KIAA0825: variants seen among roughly 807,000 people sequenced by gnomAD.
KIAA0825 encodes the protein uncharacterized protein KIAA0825.
Under a neutral mutation model 147.6 loss-of-function variants are expected in KIAA0825, and 119 were observed. The observed-to-expected ratio is 0.81, with a 90% CI of 0.69 to 0.94. The LOEUF (loss-of-function observed/expected upper bound fraction) is 0.94. Among genes scored for constraint, KIAA0825 ranks in the 40% least tolerant of loss-of-function variants. KIAA0825 has a pLI of 0.00. For missense variants in KIAA0825, 1,381 were observed against 1,472.7 expected, an observed-to-expected ratio of 0.94 and a Z score of 1.02; for synonymous variants, 470 against 518.1, an observed-to-expected ratio of 0.91 and a Z score of 1.26.
At chr5:94,236,121 C>G (rs1244336514) in intron 20 of KIAA0825, among the ~76,000 whole-genome samples, 1 of 152,306 alleles carries the variant, frequency 6.6e-6, no homozygotes, top group East Asian at 1.9e-4. Flanking sequence ...TTTTGTAAGA[C>G]TACAGCTGCC....
chr5:94,271,861 A>C (rs1777005614), intron 20 of KIAA0825, among the ~76,000 whole-genome samples: 1 of 152,096 alleles, frequency 6.6e-6, no homozygotes, highest in Non-Finnish European at 1.5e-5. Context: ...AGATATCTGC[A>C]CTCCCATGTT....
intron 20 of KIAA0825, among the ~76,000 whole-genome samples, chr5:94,373,598 C>G (rs941488156): frequency 6.6e-6 from 1 of 152,006 alleles, no homozygotes; most frequent in Non-Finnish European, 1.5e-5. Flanking sequence ...CTAAAACCAT[C>G]AGATCTCATA....
intron 20 of KIAA0825, among the ~76,000 whole-genome samples, chr5:94,324,802 G>C (rs1409540185): frequency 6.6e-6 from 1 of 151,352 alleles, no homozygotes; most frequent in African/African-American, 2.4e-5. Context: ...TTATTCATAA[G>C]AATCTTCTAG....
intron 2 of KIAA0825, among the ~76,000 whole-genome samples, chr5:94,563,952 T>G (rs1408601189): frequency 6.6e-6 from 1 of 152,188 alleles, no homozygotes; most frequent in African/African-American, 2.4e-5. Context: ...CCCAAACTGC[T>G]GGGATTACAG....
At chr5:94,599,041 A>G (rs999925557) in intron 1 of KIAA0825, among the ~76,000 whole-genome samples, 2 of 152,128 alleles carry the variant, frequency 1.3e-5, no homozygotes, top group Admixed American at 1.3e-4. Flanking sequence ...TTTTCTTTTT[A>G]GAAAGCTGAA....
chr5:94,541,596 T>C (rs1362510353), intron 2 of KIAA0825, among the ~76,000 whole-genome samples: 2 of 152,222 alleles, frequency 1.3e-5, no homozygotes, highest in East Asian at 3.9e-4. Flanking sequence ...TTATTCAGTG[T>C]TTCCATACAT....
chr5:94,335,058 A>T (rs1019229441), intron 20 of KIAA0825, among the ~76,000 whole-genome samples: 13 of 152,154 alleles, frequency 8.5e-5, no homozygotes, highest in Admixed American at 5.9e-4. Context: ...AATGAATTCT[A>T]TACTTTCAAC....
At chr5:94,207,792 C>T (rs777240492) in intron 20 of KIAA0825, among the ~76,000 whole-genome samples, 9 of 152,108 alleles carry the variant, frequency 5.9e-5, no homozygotes, top group Non-Finnish European at 8.8e-5. Context: ...CAGGGGGGCT[C>T]GCAGTCAAAC....
intron 6 of KIAA0825, 83 bp downstream of exon 6, chr5:94,484,686 G>T: frequency 2.2e-6 from 2 of 904,880 alleles, no homozygotes; most frequent in Non-Finnish European, 3.2e-6. Flanking sequence ...TTTTTTTCAA[G>T]TAATCGTTTT....
intron 1 of KIAA0825, among the ~76,000 whole-genome samples, chr5:94,608,462 TATTATATATATAATATATATATATATATA>T (rs1425645781): frequency 3.4e-4 from 4 of 11,776 alleles, no homozygotes; most frequent in East Asian, 8.5e-4. Flanking sequence ...TATATATATA[TATTATATATATAATATATATATATATATA>T]ATTATATATA....
chr5:94,549,558 C>T (rs56730205), intron 2 of KIAA0825, among the ~76,000 whole-genome samples: 11,482 of 151,990 alleles, frequency 0.076, 478 homozygotes, highest in South Asian at 0.11. Flanking sequence ...CTAAAAAATA[C>T]AAAAATTAGC....
At chr5:94,382,363 G>A (rs928298968) in intron 20 of KIAA0825, among the ~76,000 whole-genome samples, 1 of 152,100 alleles carries the variant, frequency 6.6e-6, no homozygotes, top group African/African-American at 2.4e-5. Flanking sequence ...TCCAACAAGA[G>A]AGACAAGAGG....
chr5:94,556,973 C>T (rs1776650439), intron 2 of KIAA0825, among the ~76,000 whole-genome samples: 3 of 152,198 alleles, frequency 2.0e-5, no homozygotes, highest in Admixed American at 2.0e-4. Context: ...GAAATTGTCT[C>T]CTCTCTTGAC....
At position 94,580,648 on chromosome 5, in the gene KIAA0825, G is replaced by A. The variant is rs1404499119; in HGVS notation, c.-2+1785C>T. 1.7e-4 allele frequency among the ~76,000 whole-genome samples: 6 copies of A among 35,666 alleles called. 1 individual carries two copies. Among genetic ancestry groups the A allele is most frequent in the African/African-American group, 2.5e-4 (1 of 4,004 alleles). The allele number at this position is 35,666 out of a possible 152,430, so 23.4% of individuals were successfully genotyped here. On this transcript the variant is annotated intron_variant, in intron 2 of 20. Coordinates refer to ENST00000682413, the MANE Select transcript of KIAA0825 (RefSeq NM_001145678.3). Reference sequence around the variant, plus strand: ...TCCCAGCACTTTGGGAGGCCGAGGCGGGCGGATCACGAGGTCAGGAGATCG... The same window carrying A: ...TCCCAGCACTTTGGGAGGCCGAGGCAGGCGGATCACGAGGTCAGGAGATCG...
At chr5:94,201,504 C>A (rs989388662) in intron 20 of KIAA0825, among the ~76,000 whole-genome samples, 1 of 152,004 alleles carries the variant, frequency 6.6e-6, no homozygotes, top group African/African-American at 2.4e-5. Context: ...ATCCTTTGTG[C>A]TCAAGTGGTC....
intron 5 of KIAA0825, chr5:94,519,575 A>G (rs1357403877): frequency 1.7e-6 from 1 of 598,118 alleles, no homozygotes; most frequent in African/African-American, 2.0e-5. Context: ...TCCTTATAGA[A>G]AAAATAGTAG....
intron 15 of KIAA0825, among the ~76,000 whole-genome samples, chr5:94,406,540 A>G (rs1452738134): frequency 6.6e-6 from 1 of 152,222 alleles, no homozygotes; most frequent in Non-Finnish European, 1.5e-5. Flanking sequence ...GATGGTGTGA[A>G]GACCTGGGAA....
intron 20 of KIAA0825, among the ~76,000 whole-genome samples, chr5:94,178,229 T>C (rs566922408): frequency 1.1e-3 from 172 of 152,114 alleles, no homozygotes; most frequent in Non-Finnish European, 2.1e-3. Flanking sequence ...CTAAGAAACA[T>C]TCTCTGCAAT....
At chr5:94,487,945 CCT>C (rs896930606) in intron 5 of KIAA0825, among the ~76,000 whole-genome samples, 9 of 152,082 alleles carry the variant, frequency 5.9e-5, no homozygotes, top group Admixed American at 4.6e-4. Context: ...AGAGTGGGAC[CCT>C]GTCTCAAAAA....
Sources: gnomAD v4.1 joint callset for allele counts (sites outside exome capture counted in the v4.1 genomes callset) on GRCh38, gnomAD v4.1.1 for gene constraint, MANE v1.5 for transcripts, NCBI Gene and HGNC (gene_info 2026-07-23, HGNC 2026-07-21) for gene names.